Variants in CDS1 observed in about 807,000 individuals in gnomAD.
CDS1 encodes CDP-diacylglycerol synthase 1.
In CDS1, 41 loss-of-function variants were observed where a neutral mutation model predicts 62.1. That is an observed-to-expected ratio of 0.66 (90% CI 0.51 to 0.86). The LOEUF (loss-of-function observed/expected upper bound fraction) is 0.86. Ranked by LOEUF, CDS1 falls within the 40% of genes least tolerant of loss-of-function variation. CDS1 has a pLI of 0.00. For missense variants in CDS1, 470 were observed against 550.1 expected, an observed-to-expected ratio of 0.85 and a Z score of 1.46; for synonymous variants, 185 against 192.6, an observed-to-expected ratio of 0.96 and a Z score of 0.32.
At position 84,640,897 on chromosome 4, in the gene CDS1, TGTAAA is replaced by T; in HGVS notation, c.940_944del (p.Val314LeufsTer7). 4.3e-6 allele frequency: 7 copies of T among 1,612,072 alleles called. No homozygotes were observed. Among genetic ancestry groups the T allele is most frequent in the Non-Finnish European group, 5.9e-6 (7 of 1,179,220 alleles). ...TCTGCCCAGTGGAATACCGAAGTGATGTAAACTCCTTCGTGACAGAATGTGAGCCC... is the reference window on the plus strand; with the variant it reads ...TCTGCCCAGTGGAATACCGAAGTGATCTCCTTCGTGACAGAATGTGAGCCC... On this transcript the variant is annotated frameshift_variant, in exon 10 of 13. Coordinates refer to ENST00000295887, the MANE Select transcript of CDS1 (RefSeq NM_001263.4). LOFTEE classifies it high-confidence loss of function.
chr4:84,605,855 C>G (rs1337909569), intron 2 of CDS1, among the ~76,000 whole-genome samples: 1 of 152,020 alleles, frequency 6.6e-6, no homozygotes, highest in Admixed American at 6.6e-5. Context: ...TCATGGCAGC[C>G]TTGTAACACA....
chr4:84,646,694 A>G (rs1366045408), intron 12 of CDS1, among the ~76,000 whole-genome samples: 1 of 152,152 alleles, frequency 6.6e-6, no homozygotes, highest in East Asian at 1.9e-4. Flanking sequence ...GTGGTACAGC[A>G]TGTTATCTAT....
Position 84,623,486 on chromosome 4 carries a change from C to T in CDS1, c.580+3953C>T, listed in dbSNP as rs183261874. Among the ~76,000 whole-genome samples, 32 of 152,276 alleles carry T rather than the reference C, an allele frequency of 2.1e-4. 1 individual carries two copies. The East Asian group carries it at 5.4e-3, about 26-fold the overall frequency. ...AAATACGTTTAGGCACCTGTAATTT[C>T]TCAGGCCTACTAACAGTTTTCTATC... is the stretch of plus-strand genomic sequence containing the variant. On this transcript the variant is annotated intron_variant, in intron 5 of 12. Coordinates refer to ENST00000295887, the MANE Select transcript of CDS1 (RefSeq NM_001263.4).
At chr4:84,618,419 C>T (rs929683342) in intron 4 of CDS1, among the ~76,000 whole-genome samples, 1 of 152,084 alleles carries the variant, frequency 6.6e-6, no homozygotes, top group Non-Finnish European at 1.5e-5. Flanking sequence ...AATGTAAAAC[C>T]ATGCAGTATT....
At chr4:84,601,683 C>T (rs961914426) in intron 1 of CDS1, among the ~76,000 whole-genome samples, 3 of 152,204 alleles carry the variant, frequency 2.0e-5, no homozygotes, top group East Asian at 1.9e-4. Context: ...GAGGTCAGGG[C>T]GGGCGGATCA....
intron 11 of CDS1, among the ~76,000 whole-genome samples, chr4:84,644,305 T>A (rs1243320743): frequency 6.6e-6 from 1 of 152,210 alleles, no homozygotes; most frequent in Non-Finnish European, 1.5e-5. Flanking sequence ...ATAAGTATCT[T>A]GCGAAGGCTG....
At chr4:84,618,420 A>T (rs1277479370) in intron 4 of CDS1, among the ~76,000 whole-genome samples, 2 of 152,244 alleles carry the variant, frequency 1.3e-5, no homozygotes, top group Non-Finnish European at 2.9e-5. Flanking sequence ...ATGTAAAACC[A>T]TGCAGTATTG....
In CDS1 at chr4:84,649,367, C is replaced by T. The variant is rs1032090270; in HGVS notation, c.*681C>T. On this transcript the variant is annotated 3_prime_UTR_variant, in exon 13 of 13. Transcript: ENST00000295887. ...GATAAAATTGTTTGGAAGGTCACGA[C>T]CTCGCAAAAACTTTTCAAGAGCAAC... 3.3e-5 allele frequency: 5 copies of T among 152,152 alleles called. No homozygotes were observed. The highest frequency in any genetic ancestry group is 1.2e-4 in the African/African-American group (5 of 41,414). The allele number at this position is 152,152 out of a possible 1,614,324, so 9.4% of individuals were successfully genotyped here.
chr4:84,604,700 A>G (rs1339406846), intron 2 of CDS1, among the ~76,000 whole-genome samples: 1 of 152,178 alleles, frequency 6.6e-6, no homozygotes, highest in African/African-American at 2.4e-5. Flanking sequence ...CTGGTATTAG[A>G]ACACCTAATA....
At chr4:84,622,884 A>G (rs1173307058) in intron 5 of CDS1, among the ~76,000 whole-genome samples, 1 of 152,062 alleles carries the variant, frequency 6.6e-6, no homozygotes, top group Non-Finnish European at 1.5e-5. Context: ...CTAAAATATC[A>G]CTTCCTGTAG....
intron 2 of CDS1, among the ~76,000 whole-genome samples, chr4:84,606,221 A>G (rs556422274): frequency 6.6e-6 from 1 of 151,658 alleles, no homozygotes; most frequent in East Asian, 1.9e-4. Flanking sequence ...TTACTTGCAG[A>G]AAAAAAAATC....
At chr4:84,585,118 T>C (rs967187328) in intron 1 of CDS1, among the ~76,000 whole-genome samples, 1 of 152,240 alleles carries the variant, frequency 6.6e-6, no homozygotes, top group African/African-American at 2.4e-5. Flanking sequence ...TTTAACACCA[T>C]AATGTATTTA....
At chr4:84,611,867 T>C (rs1052499910) in intron 3 of CDS1, among the ~76,000 whole-genome samples, 33 of 152,084 alleles carry the variant, frequency 2.2e-4, no homozygotes, top group African/African-American at 8.0e-4. Context: ...CTCCCAGTCT[T>C]CTGTCGCTGA....
intron 12 of CDS1, among the ~76,000 whole-genome samples, chr4:84,646,043 T>C (rs1724549564): frequency 6.6e-6 from 1 of 152,196 alleles, no homozygotes; most frequent in South Asian, 2.1e-4. Context: ...ATGTTAACTT[T>C]ATTTTCTGTG....
At chr4:84,621,578 T>C (rs1723686790) in intron 5 of CDS1, among the ~76,000 whole-genome samples, 2 of 152,166 alleles carry the variant, frequency 1.3e-5, no homozygotes, top group Admixed American at 1.3e-4. Context: ...TTTTGTTACT[T>C]TTTAAAATTT....
chr4:84,611,945 A>G (rs1578031578), intron 3 of CDS1, among the ~76,000 whole-genome samples: 2 of 152,168 alleles, frequency 1.3e-5, no homozygotes, highest in South Asian at 4.2e-4. Flanking sequence ...AAGTGTGTGC[A>G]GAGCACTTTT....
intron 8 of CDS1, among the ~76,000 whole-genome samples, 198 bp downstream of exon 8, chr4:84,635,549 C>T (rs1443422740): frequency 6.6e-6 from 1 of 150,382 alleles, no homozygotes; most frequent in Admixed American, 6.6e-5. Flanking sequence ...CTGTTGGCTC[C>T]TCAGGAAGGG....
At chr4:84,631,762 A>T in intron 5 of CDS1, 57 bp from the exon 6 acceptor site, 1 of 1,436,532 alleles carries the variant, frequency 7.0e-7, no homozygotes, top group Non-Finnish European at 9.8e-7. Flanking sequence ...GGCTCAAGGA[A>T]TCTTAACCCT....
intron 1 of CDS1, among the ~76,000 whole-genome samples, chr4:84,590,221 A>C (rs1489618830): frequency 6.6e-6 from 1 of 152,230 alleles, no homozygotes; most frequent in Non-Finnish European, 1.5e-5. Context: ...AAACATTTTC[A>C]AAGAGTCTTA....
Sources: gnomAD v4.1 joint callset for allele counts (sites outside exome capture counted in the v4.1 genomes callset) on GRCh38, gnomAD v4.1.1 for gene constraint, MANE v1.5 for transcripts, NCBI Gene and HGNC (gene_info 2026-07-23, HGNC 2026-07-21) for gene names.